MTUS1: variants seen among roughly 807,000 people sequenced by gnomAD.
The protein encoded by MTUS1 is microtubule associated scaffold protein 1.
Under a neutral mutation model 120.8 loss-of-function variants are expected in MTUS1, and 109 were observed. The observed-to-expected ratio is 0.90, with a 90% CI of 0.77 to 1.06. MTUS1 has a LOEUF of 1.06. MTUS1 is among the 50% of genes least tolerant of loss of function. MTUS1 has a pLI of 0.00. For missense variants in MTUS1, 2,210 were observed against 1,486.3 expected (o/e 1.49, Z -8.01); for synonymous variants, 737 against 550.5 (o/e 1.34, Z -4.74).
chr8:17,710,633 G>C (rs2130994251), intron 6 of MTUS1, among the ~76,000 whole-genome samples: 1 of 152,250 alleles, frequency 6.6e-6, no homozygotes, highest in Non-Finnish European at 1.5e-5. Flanking sequence ...ATTCACGTTG[G>C]TGCTCTGACC....
chr8:17,735,160 C>G (rs1261861719), intron 3 of MTUS1, among the ~76,000 whole-genome samples: 2 of 152,140 alleles, frequency 1.3e-5, no homozygotes, highest in African/African-American at 4.8e-5. Context: ...CTCAGGCATG[C>G]ACATACCCCT....
intron 6 of MTUS1, among the ~76,000 whole-genome samples, chr8:17,687,277 C>T (rs1251966261): frequency 6.6e-6 from 1 of 152,118 alleles, no homozygotes; most frequent in Non-Finnish European, 1.5e-5. Context: ...CAGCCGATGA[C>T]CCAGTTTCCA....
rs1371192450 is a variant in MTUS1, at chr8:17,655,927, T to A, written c.3044A>T (p.Tyr1015Phe). 1.4e-5 allele frequency: 23 copies of A among 1,614,216 alleles called. No homozygotes were observed. The highest frequency in any genetic ancestry group is 1.9e-5 in the Non-Finnish European group (23 of 1,180,040). The change falls in exon 9 of 15, where the codon TAT becomes TTT. Residue 1015 changes from tyrosine (Y) to phenylalanine (F), a missense_variant. By Grantham distance (22) the Tyr-to-Phe change is conservative. Transcript: ENST00000693296. Reference sequence around the variant, plus strand: ...AATGTAAGTGTCCCGAAGCTTTTCATACTCCCTGGTGTAAAACTCTTTAAG... The same window carrying A: ...AATGTAAGTGTCCCGAAGCTTTTCAAACTCCCTGGTGTAAAACTCTTTAAG... ...NRLKEFYTRE[Y>F]EKLRDTYIEE...
intron 1 of MTUS1, among the ~76,000 whole-genome samples, chr8:17,779,591 A>T (rs2050715118): frequency 6.6e-6 from 1 of 152,104 alleles, no homozygotes; most frequent in Non-Finnish European, 1.5e-5. Context: ...TCTCTCTCTC[A>T]CCAAAAATTG....
At chr8:17,681,917 A>G (rs1342120170) in intron 7 of MTUS1, among the ~76,000 whole-genome samples, 1 of 152,168 alleles carries the variant, frequency 6.6e-6, no homozygotes, top group African/African-American at 2.4e-5. Context: ...ATAAAATAAT[A>G]TTTCAATATA....
At chr8:17,655,252 G>A (rs1250906137) in intron 9 of MTUS1, among the ~76,000 whole-genome samples, 5 of 139,112 alleles carry the variant, frequency 3.6e-5, no homozygotes, top group Admixed American at 7.2e-5. Context: ...TTTATTCAGT[G>A]AAAAAAAAAA....
At chr8:17,648,038 T>A (rs1806206432) in intron 13 of MTUS1, among the ~76,000 whole-genome samples, 1 of 152,168 alleles carries the variant, frequency 6.6e-6, no homozygotes, top group African/African-American at 2.4e-5. Context: ...TATGAAGGAT[T>A]CCCAGATAAA....
intron 14 of MTUS1, 46 bp from the exon 15 acceptor site, chr8:17,646,185 A>AG (rs981121487): frequency 2.1e-5 from 31 of 1,502,134 alleles, no homozygotes; most frequent in Non-Finnish European, 2.6e-5. Context: ...TAAAAAAAAA[A>AG]AAAACTTGAA....
At chr8:17,715,097 G>A (rs889152988) in intron 5 of MTUS1, among the ~76,000 whole-genome samples, 2 of 151,218 alleles carry the variant, frequency 1.3e-5, no homozygotes, top group Admixed American at 6.6e-5. Flanking sequence ...GTAGAGATGG[G>A]GTTTTGCCAT....
intron 1 of MTUS1, among the ~76,000 whole-genome samples, chr8:17,774,141 A>G (rs1327595311): frequency 6.6e-6 from 1 of 152,170 alleles, no homozygotes; most frequent in African/African-American, 2.4e-5. Context: ...GTTTTCCTAG[A>G]TAAACGCTAC....
In MTUS1 at chr8:17,790,709, T is replaced by A. The variant is rs1171642627; in HGVS notation, c.-155+10352A>T. Among the ~76,000 whole-genome samples, 4 of 152,094 alleles carry A rather than the reference T, an allele frequency of 2.6e-5. No homozygotes were observed. The South Asian group carries it at 8.3e-4, about 32-fold the overall frequency. On this transcript the variant is annotated intron_variant, in intron 1 of 14. Transcript: ENST00000693296. The stretch of plus-strand genomic sequence containing the variant: ...ATCATAACTACTGCATGACTTGGCC[T>A]GGCACAGTGGCTTACTCCTATAATC...
At chr8:17,793,580 G>A (rs576891233) in intron 1 of MTUS1, among the ~76,000 whole-genome samples, 33 of 152,206 alleles carry the variant, frequency 2.2e-4, no homozygotes, top group Non-Finnish European at 4.6e-4. Context: ...AATGTACCCA[G>A]CATCCGAACA....
At chr8:17,702,196 C>T (rs988635551) in intron 6 of MTUS1, among the ~76,000 whole-genome samples, 4 of 152,184 alleles carry the variant, frequency 2.6e-5, no homozygotes, top group Admixed American at 6.5e-5. Context: ...CTGTAATTTA[C>T]CAAGGAGCTG....
At chr8:17,658,786 T>C (rs76329587) in intron 8 of MTUS1, among the ~76,000 whole-genome samples, 4,432 of 152,238 alleles carry the variant, frequency 0.029, 227 homozygotes, top group African/African-American at 0.1. Flanking sequence ...TGGTGTCAAC[T>C]TGTTATCTCA....
At chr8:17,748,817 C>A (rs961934689) in intron 2 of MTUS1, among the ~76,000 whole-genome samples, 1 of 152,176 alleles carries the variant, frequency 6.6e-6, no homozygotes. Context: ...ACTAGGCACT[C>A]AGACAGGGTC....
intron 1 of MTUS1, among the ~76,000 whole-genome samples, chr8:17,778,476 G>A (rs528249252): frequency 2.6e-5 from 4 of 152,274 alleles, no homozygotes; most frequent in African/African-American, 9.6e-5. Context: ...CTATACACCC[G>A]AAAAGTGCAA....
At chr8:17,672,655 C>T (rs762362071) in intron 8 of MTUS1, among the ~76,000 whole-genome samples, 27 of 152,182 alleles carry the variant, frequency 1.8e-4, no homozygotes, top group Non-Finnish European at 4.4e-5. Flanking sequence ...AAACGGAGAA[C>T]GGTTACCATC....
At chr8:17,753,695 A>G in intron 2 of MTUS1, 22 bp downstream of exon 2, 1 of 1,498,438 alleles carries the variant, frequency 6.7e-7, no homozygotes, top group Non-Finnish European at 9.0e-7. Flanking sequence ...AAGCATGCAA[A>G]AAATATATAT....
chr8:17,735,980 GC>G (rs1250363857), intron 3 of MTUS1, among the ~76,000 whole-genome samples: 1 of 152,176 alleles, frequency 6.6e-6, no homozygotes, highest in African/African-American at 2.4e-5. Flanking sequence ...GGAACGATTT[GC>G]TTAGACACCC....
Sources: gnomAD v4.1 joint callset for allele counts (sites outside exome capture counted in the v4.1 genomes callset) on GRCh38, gnomAD v4.1.1 for gene constraint, MANE v1.5 for transcripts, NCBI Gene and HGNC (gene_info 2026-07-23, HGNC 2026-07-21) for gene names.